Variants in LRP1B observed in about 807,000 individuals in gnomAD.
LRP1B encodes the protein low-density lipoprotein receptor-related protein 1B.
Under a neutral mutation model 556.6 loss-of-function variants are expected in LRP1B, and 217 were observed. That is an observed-to-expected ratio of 0.39 (90% CI 0.35 to 0.44). LRP1B has a LOEUF of 0.44. Ranked by LOEUF, LRP1B falls within the 20% of genes least tolerant of loss-of-function variation. The pLI is 1.00. For missense variants in LRP1B, 5,053 were observed against 5,620.8 expected, an observed-to-expected ratio of 0.90 and a Z score of 3.23; for synonymous variants, 2,047 against 1,865.8, an observed-to-expected ratio of 1.10 and a Z score of -2.50.
Position 141,229,266 on chromosome 2 carries a change from G to A in LRP1B, c.767C>T (p.Ser256Leu), listed in dbSNP as rs772492671. ...MICWIESRES[S>L]NQLKCIQITK... The stretch of plus-strand genomic sequence containing the variant: ...TATCTGGATACATTTGAGTTGATTT[G>A]AAGATTCTCTTGATTCAATCCAACA... Residue 256 changes from serine to leucine, a missense_variant, in exon 6 of 91, where the codon TCA becomes TTA. By Grantham distance (145) the Ser-to-Leu change is moderately radical. Coordinates refer to ENST00000389484, the MANE Select transcript of LRP1B (RefSeq NM_018557.3). The A allele has an allele frequency of 6.2e-7, 1 of 1,611,650 alleles. No individual in the cohort carries two copies. The highest frequency in any genetic ancestry group is 8.5e-7 in the Non-Finnish European group (1 of 1,178,050).
At chr2:141,048,506 A>C (rs916806567) in intron 11 of LRP1B, among the ~76,000 whole-genome samples, 13 of 152,116 alleles carry the variant, frequency 8.5e-5, no homozygotes, top group South Asian at 2.1e-4. Context: ...TCCAAGGGCA[A>C]CTCTAGAAAA....
chr2:141,396,045 A>G (rs776828917), intron 3 of LRP1B, among the ~76,000 whole-genome samples: 22 of 152,164 alleles, frequency 1.4e-4, no homozygotes, highest in Non-Finnish European at 2.9e-4. Context: ...TAAAGCCATT[A>G]TTTTTTATGA....
intron 43 of LRP1B, among the ~76,000 whole-genome samples, chr2:140,595,539 C>T (rs574215531): frequency 6.6e-6 from 1 of 152,182 alleles, no homozygotes; most frequent in South Asian, 2.1e-4. Flanking sequence ...TTTACTTCCT[C>T]AACTAGATAT....
chr2:141,150,321 T>C (rs140139671), intron 7 of LRP1B, among the ~76,000 whole-genome samples: 12 of 152,334 alleles, frequency 7.9e-5, no homozygotes, highest in Non-Finnish European at 1.2e-4. Flanking sequence ...TTAGTATTTG[T>C]TGAGAGAATA....
At chr2:141,430,549 G>T (rs1349980359) in intron 3 of LRP1B, among the ~76,000 whole-genome samples, 1 of 151,874 alleles carries the variant, frequency 6.6e-6, no homozygotes, top group East Asian at 1.9e-4. Flanking sequence ...GTATAAATTG[G>T]ACAATCTGGA....
chr2:141,009,724 G>C (rs1016745241), intron 14 of LRP1B, among the ~76,000 whole-genome samples: 1 of 151,890 alleles, frequency 6.6e-6, no homozygotes, highest in South Asian at 2.1e-4. Context: ...TATAAAAGTA[G>C]TCAAGGGGAA....
At chr2:140,851,283 G>A (rs543871800) in intron 28 of LRP1B, among the ~76,000 whole-genome samples, 1 of 152,142 alleles carries the variant, frequency 6.6e-6, no homozygotes, top group Non-Finnish European at 1.5e-5. Context: ...GATTAAAGCT[G>A]TTAAGCGCCT....
At chr2:141,892,233 G>A (rs1699313746) in intron 1 of LRP1B, among the ~76,000 whole-genome samples, 1 of 151,612 alleles carries the variant, frequency 6.6e-6, no homozygotes, top group Non-Finnish European at 1.5e-5. Context: ...GACTCACCAA[G>A]AAAGTATTTT....
intron 43 of LRP1B, among the ~76,000 whole-genome samples, chr2:140,546,345 C>T (rs1680338503): frequency 6.6e-6 from 1 of 151,960 alleles, no homozygotes; most frequent in African/African-American, 2.4e-5. Flanking sequence ...GAGAGGGCAT[C>T]CTTGTTGTAT....
rs1477666686 is a variant in LRP1B at position 140,579,709 on chromosome 2, GCA to G, written c.7194+18920_7194+18921del. ...ATACAAAAATCAGCCGGGCGTGATA[GCA>G]CACACCTGTAATCCCAGCTACTTGG... On this transcript the variant is annotated intron_variant, in intron 43 of 90. Transcript: ENST00000389484. Among the ~76,000 whole-genome samples, 4 of 152,160 alleles carry G rather than the reference GCA, an allele frequency of 2.6e-5. No individual in the cohort carries two copies. In the East Asian group the frequency reaches 7.7e-4, roughly 29 times the overall value.
chr2:140,446,935 T>A (rs1227663661), intron 63 of LRP1B, among the ~76,000 whole-genome samples: 1 of 151,594 alleles, frequency 6.6e-6, no homozygotes, highest in Non-Finnish European at 1.5e-5. Context: ...TGCTAATGGG[T>A]TAAAATCCAA....
chr2:141,931,668 A>G (rs528559288), intron 1 of LRP1B, among the ~76,000 whole-genome samples: 1 of 152,150 alleles, frequency 6.6e-6, no homozygotes, highest in South Asian at 2.1e-4. Context: ...TTATTCATTC[A>G]GTGCACATTT....
At chr2:141,000,060 G>A (rs887769120) in intron 15 of LRP1B, among the ~76,000 whole-genome samples, 3 of 151,662 alleles carry the variant, frequency 2.0e-5, no homozygotes, top group Non-Finnish European at 2.9e-5. Flanking sequence ...GTCTACAAGC[G>A]TGCACCACCA....
intron 1 of LRP1B, among the ~76,000 whole-genome samples, chr2:142,078,923 C>T (rs1705610987): frequency 1.3e-5 from 2 of 152,026 alleles, no homozygotes. Context: ...TTCTATATGG[C>T]TTATAATCTA....
Position 141,480,545 on chromosome 2 carries a change from T to C in LRP1B, c.206-12A>G, listed in dbSNP as rs779926959. On this transcript the variant is annotated splice_polypyrimidine_tract_variant and intron_variant, in intron 2 of 90. Coordinates refer to ENST00000389484, the MANE Select transcript of LRP1B (RefSeq NM_018557.3). ...TACCTCCTCGGGACCTGAAAAGATG[T>C]AAAAAAGAACAGAATTATGTGTTAG... 1.2e-6 allele frequency: 2 copies of C among 1,613,452 alleles called. No individual in the cohort carries two copies. Among genetic ancestry groups the C allele is most frequent in the Non-Finnish European group, 1.7e-6 (2 of 1,179,532 alleles).
chr2:141,383,665 T>C (rs1187003103), intron 3 of LRP1B, among the ~76,000 whole-genome samples: 1 of 152,152 alleles, frequency 6.6e-6, no homozygotes, highest in Non-Finnish European at 1.5e-5. Context: ...AGTAAAGTAG[T>C]ATTCAGGCTT....
At chr2:141,207,013 G>A (rs528838441) in intron 6 of LRP1B, among the ~76,000 whole-genome samples, 3 of 152,218 alleles carry the variant, frequency 2.0e-5, no homozygotes, top group Non-Finnish European at 2.9e-5. Flanking sequence ...AGTTTCCAGC[G>A]TATTCAGAGT....
chr2:140,627,244 C>T (rs1683696929), intron 41 of LRP1B, among the ~76,000 whole-genome samples: 1 of 152,056 alleles, frequency 6.6e-6, no homozygotes, highest in South Asian at 2.1e-4. Context: ...AGTTATTGTT[C>T]CTGGATGTGT....
chr2:142,128,715 C>A (rs1048614426), intron 1 of LRP1B, among the ~76,000 whole-genome samples: 1 of 152,030 alleles, frequency 6.6e-6, no homozygotes, highest in Non-Finnish European at 1.5e-5. Flanking sequence ...TTCATGTGGA[C>A]GTGGTGATAC....
Sources: gnomAD v4.1 joint callset for allele counts (sites outside exome capture counted in the v4.1 genomes callset) on GRCh38, gnomAD v4.1.1 for gene constraint, MANE v1.5 for transcripts, NCBI Gene and HGNC (gene_info 2026-07-23, HGNC 2026-07-21) for gene names.